STK32B: variants seen among roughly 807,000 people sequenced by gnomAD.
STK32B encodes the protein serine/threonine kinase 32B.
STK32B carries 43 observed loss-of-function variants against 52.6 expected under a neutral mutation model. The observed-to-expected ratio is 0.82, with a 90% CI of 0.64 to 1.05. The LOEUF (loss-of-function observed/expected upper bound fraction) is 1.05. Ranked by LOEUF, STK32B falls within the 50% of genes least tolerant of loss-of-function variation. The probability of loss-of-function intolerance (pLI) is 0.00; values close to 1 mark genes in which losing one functional copy is unlikely to be tolerated. For missense variants in STK32B, 621 were observed against 534.6 expected (o/e 1.16, Z -1.59); for synonymous variants, 238 against 204.3 (o/e 1.17, Z -1.41).
intron 3 of STK32B, among the ~76,000 whole-genome samples, chr4:5,185,757 G>C (rs1223009081): frequency 6.6e-6 from 1 of 152,182 alleles, no homozygotes. Context: ...TTATCAAAGC[G>C]TAAGTCTGTG....
rs139218892 is a variant in STK32B at position 5,468,054 on chromosome 4, A to G, written c.1090A>G (p.Ile364Val). 229 of 1,614,162 alleles carry G rather than the reference A, an allele frequency of 1.4e-4. 1 individual carries two copies. In the African/African-American group the frequency reaches 2.6e-3, roughly 18 times the overall value. Residue 364 changes from isoleucine to valine, a missense_variant, in exon 11 of 12, where the codon ATA (isoleucine) becomes GTA (valine). By Grantham distance (29) the Ile-to-Val change is conservative (BLOSUM62 3). Coordinates refer to ENST00000282908, the MANE Select transcript of STK32B (RefSeq NM_018401.3). ...GGAGACTGTCCGGGAGGAATTCATC[A>G]TATTCAACAGAGAGAAGTAAGTCCT... is the stretch of plus-strand genomic sequence containing the variant. ...CLETVREEFI[I>V]FNREKLRRQQ...
chr4:5,032,496 A>G, the STK32B span, among the ~76,000 whole-genome samples: 1 of 150,990 alleles, frequency 6.6e-6, no homozygotes, highest in African/African-American at 2.4e-5. Context: ...AAAAAAAAAA[A>G]AAAAAGAAGA....
At chr4:5,252,954 A>G (rs1357267395) in intron 3 of STK32B, among the ~76,000 whole-genome samples, 1 of 151,948 alleles carries the variant, frequency 6.6e-6, no homozygotes, top group Admixed American at 6.6e-5. Context: ...CCATGTCTCC[A>G]TTCTATTTGT....
intron 1 of STK32B, among the ~76,000 whole-genome samples, chr4:5,116,467 A>G (rs1042962846): frequency 3.3e-5 from 5 of 152,188 alleles, no homozygotes; most frequent in Admixed American, 6.5e-5. Context: ...GCTAATTAAT[A>G]TATCTATCAA....
intron 3 of STK32B, among the ~76,000 whole-genome samples, chr4:5,246,755 T>TG (rs1267293361): frequency 6.6e-6 from 1 of 152,244 alleles, no homozygotes; most frequent in Non-Finnish European, 1.5e-5. Context: ...GTTTTTGGTG[T>TG]GGATGTCCTT....
At chr4:5,174,591 G>A (rs996904855) in intron 3 of STK32B, among the ~76,000 whole-genome samples, 1 of 152,124 alleles carries the variant, frequency 6.6e-6, no homozygotes, top group Non-Finnish European at 1.5e-5. Context: ...GAAATTCTGG[G>A]TTGAAAATTC....
At chr4:5,212,087 C>T (rs564965442) in intron 3 of STK32B, among the ~76,000 whole-genome samples, 47 of 152,256 alleles carry the variant, frequency 3.1e-4, no homozygotes, top group Admixed American at 8.5e-4. Flanking sequence ...AGGACACAGG[C>T]GATTTTATTT....
chr4:5,188,003 C>T (rs1720877851), intron 3 of STK32B, among the ~76,000 whole-genome samples: 1 of 152,154 alleles, frequency 6.6e-6, no homozygotes, highest in Non-Finnish European at 1.5e-5. Context: ...CCTCAGTTTC[C>T]TCGTGTAGGG....
chr4:5,129,376 C>T (rs1577088260), intron 1 of STK32B, among the ~76,000 whole-genome samples: 1 of 152,318 alleles, frequency 6.6e-6, no homozygotes, highest in Non-Finnish European at 1.5e-5. Flanking sequence ...CTCTGGTGGA[C>T]ATTTTTGTGA....
At chr4:5,497,506 C>T (rs1169029490) in intron 11 of STK32B, among the ~76,000 whole-genome samples, 4 of 152,208 alleles carry the variant, frequency 2.6e-5, no homozygotes, top group South Asian at 4.1e-4. Context: ...CCACCTTTCC[C>T]AGTTGCCCTA....
intron 3 of STK32B, among the ~76,000 whole-genome samples, chr4:5,295,470 A>C (rs1729136915): frequency 6.6e-6 from 1 of 152,098 alleles, no homozygotes; most frequent in Non-Finnish European, 1.5e-5. Flanking sequence ...TGGTCTATTC[A>C]GGGATTTGAC....
At chr4:5,478,385 C>G (rs1212899097) in intron 11 of STK32B, among the ~76,000 whole-genome samples, 2 of 152,098 alleles carry the variant, frequency 1.3e-5, no homozygotes, top group Admixed American at 6.6e-5. Context: ...CATTTAGCAC[C>G]CAGGGTTTGG....
In STK32B at chr4:5,495,670, A is replaced by G. The variant is rs28792737; in HGVS notation, c.1107-3275A>G. Reference sequence around the variant, plus strand: ...AGGCACTCTGCTTTTTAGAGTTTCCAGTTTTTCTGCTCTGTTTTTTCCCCA... The same window carrying G: ...AGGCACTCTGCTTTTTAGAGTTTCCGGTTTTTCTGCTCTGTTTTTTCCCCA... On this transcript the variant is annotated intron_variant, in intron 11 of 11. Transcript: ENST00000282908. 3.7e-3 allele frequency among the ~76,000 whole-genome samples: 561 copies of G among 152,138 alleles called. 10 individuals carry two copies. The highest frequency in any genetic ancestry group is 0.012 in the African/African-American group (512 of 41,468).
rs551455073 is a variant in STK32B, at chr4:5,500,785, C to T, written c.*1702C>T. 3.3e-5 allele frequency: 5 copies of T among 152,320 alleles called. No individual in the cohort carries two copies. Among genetic ancestry groups the T allele is most frequent in the East Asian group, 1.9e-4 (1 of 5,170 alleles). 9.4% of individuals were successfully genotyped at this position (152,320 alleles called of 1,614,324 possible). A position where few individuals can be genotyped will look rare whatever the true frequency, so the allele number is the denominator to read the frequency against. ...TTTACTTCATGTCCCCATCAACAACCGTCCTGCTCCCCACCTCCCCCAGGA... is the reference window on the plus strand; with the variant it reads ...TTTACTTCATGTCCCCATCAACAACTGTCCTGCTCCCCACCTCCCCCAGGA... On this transcript the variant is annotated 3_prime_UTR_variant, in exon 12 of 12. Coordinates refer to ENST00000282908, the MANE Select transcript of STK32B (RefSeq NM_018401.3).
rs1250639966 is a variant in STK32B, at chr4:5,386,010, C to T, written c.435-12197C>T. ...CAGCCCCCACCCATGGCCCCACCCA[C>T]GGCTCCACTCACAGCCCCTACCCAG... On this transcript the variant is annotated intron_variant, in intron 4 of 11. Coordinates refer to ENST00000282908, the MANE Select transcript of STK32B (RefSeq NM_018401.3). This position sits in a 1 kb window ranked among gnomAD's most constrained non-coding sequence, Gnocchi z 4.5. 1.5e-5 allele frequency among the ~76,000 whole-genome samples: 2 copies of T among 136,198 alleles called. No homozygotes were observed. Among genetic ancestry groups the T allele is most frequent in the Non-Finnish European group, 3.2e-5 (2 of 62,820 alleles). 89.4% of individuals were successfully genotyped at this position (136,198 alleles called of 152,430 possible). A position where few individuals can be genotyped will look rare whatever the true frequency, so the allele number is the denominator to read the frequency against.
chr4:5,307,123 G>A (rs755765870), intron 3 of STK32B, among the ~76,000 whole-genome samples: 1 of 152,106 alleles, frequency 6.6e-6, no homozygotes, highest in African/African-American at 2.4e-5. Context: ...CCTAGGTGAT[G>A]ATCTTTTTGT....
chr4:5,166,828 G>T (rs1439250101), intron 2 of STK32B, among the ~76,000 whole-genome samples: 2 of 152,146 alleles, frequency 1.3e-5, no homozygotes, highest in Non-Finnish European at 2.9e-5. Flanking sequence ...GTGTTGGGAA[G>T]ATTAGCCCAT....
At chr4:5,186,507 C>T (rs1018584453) in intron 3 of STK32B, among the ~76,000 whole-genome samples, 5 of 152,154 alleles carry the variant, frequency 3.3e-5, no homozygotes, top group Non-Finnish European at 5.9e-5. Flanking sequence ...AACCAGCAGT[C>T]GCTTATCTCG....
chr4:5,466,597 G>C, intron 9 of STK32B, 106 bp from the exon 10 acceptor site: 1 of 1,400,706 alleles, frequency 7.1e-7, no homozygotes, highest in Admixed American at 2.5e-5. Flanking sequence ...ACAAGAGTAA[G>C]TTCATCATTA....
Sources: gnomAD v4.1 joint callset for allele counts (sites outside exome capture counted in the v4.1 genomes callset) on GRCh38, gnomAD v4.1.1 for gene constraint, Gnocchi (gnomAD v3.1) non-coding constraint, MANE v1.5 for transcripts, NCBI Gene and HGNC (gene_info 2026-07-23, HGNC 2026-07-21) for gene names.